The following ACP7 variants were observed in gnomAD, a reference collection of about 807,000 sequenced individuals.
The protein encoded by ACP7 is acid phosphatase type 7.
A neutral mutation model predicts 60.6 loss-of-function variants in ACP7; 58 were observed. The observed-to-expected ratio is 0.96, with a 90% confidence interval of 0.77 to 1.19. The LOEUF (loss-of-function observed/expected upper bound fraction) is 1.19. Among genes scored for constraint, ACP7 ranks in the 50% most tolerant of loss-of-function variants. ACP7 has a pLI of 0.00. For missense variants in ACP7, 574 were observed against 596.2 expected (o/e 0.96, Z 0.39); for synonymous variants, 237 against 232.6 (o/e 1.02, Z -0.17).
chr19:39,107,809 C>G (rs1213088756), intron 12 of ACP7, among the ~76,000 whole-genome samples: 2 of 151,964 alleles, frequency 1.3e-5, no homozygotes, highest in African/African-American at 2.4e-5. Context: ...TCACTTAAAT[C>G]TGGGAGGTGA....
chr19:39,108,732 A>G (rs2073438020), intron 12 of ACP7, among the ~76,000 whole-genome samples: 1 of 152,140 alleles, frequency 6.6e-6, no homozygotes, highest in Non-Finnish European at 1.5e-5. Context: ...TTGCCATTGT[A>G]GTTTTAAAAT....
Position 39,098,952 on chromosome 19 carries a change from C to G in ACP7, c.323-8C>G. The stretch of plus-strand genomic sequence containing the variant: ...CAGCTGACTGCGACCTTTTCCTCTC[C>G]CATTCAGTTTATCGCTGTGGCAGTG... On this transcript the variant is annotated splice_polypyrimidine_tract_variant and splice_region_variant and intron_variant, in intron 3 of 12. Coordinates refer to ENST00000331256, the MANE Select transcript of ACP7 (RefSeq NM_001004318.3). 7 of 1,611,334 alleles carry G rather than the reference C, an allele frequency of 4.3e-6. No homozygotes were observed. The highest frequency in any genetic ancestry group is 5.9e-6 in the Non-Finnish European group (7 of 1,179,736).
At chr19:39,088,559 T>G (rs79545738) in intron 2 of ACP7, among the ~76,000 whole-genome samples, 10,632 of 152,260 alleles carry the variant, frequency 0.07, 1,080 homozygotes, top group African/African-American at 0.22. Flanking sequence ...TTATAAGTGC[T>G]TTAGACGGAT....
chr19:39,098,875 CCCT>C, intron 3 of ACP7, 82 bp from the exon 4 acceptor site: 8 of 1,403,892 alleles, frequency 5.7e-6, no homozygotes, highest in Non-Finnish European at 5.8e-6. Context: ...CCATCTCCTC[CCCT>C]CCACCAGTCG....
chr19:39,095,815 C>G (rs1187763856), intron 2 of ACP7, among the ~76,000 whole-genome samples: 2 of 152,242 alleles, frequency 1.3e-5, no homozygotes, highest in African/African-American at 2.4e-5. Flanking sequence ...GGTTCCCAAA[C>G]CCCAATTCTT....
At chr19:39,084,812 A>C (rs1044448203) in intron 1 of ACP7, among the ~76,000 whole-genome samples, 4 of 152,014 alleles carry the variant, frequency 2.6e-5, no homozygotes, top group African/African-American at 7.2e-5. Flanking sequence ...GACCCCCAGC[A>C]CTGAGAGTGA....
At chr19:39,095,364 T>G (rs1263594261) in intron 2 of ACP7, among the ~76,000 whole-genome samples, 1 of 152,182 alleles carries the variant, frequency 6.6e-6, no homozygotes, top group Non-Finnish European at 1.5e-5. Context: ...ACAAAGGCAT[T>G]ACAGGGCCCA....
chr19:39,111,490 G>C lies in ACP7; in HGVS notation c.*1372G>C, dbSNP rs1381373684. 1.3e-5 allele frequency: 2 copies of C among 152,284 alleles called. No individual in the cohort carries two copies. Among genetic ancestry groups the C allele is most frequent in the East Asian group, 3.9e-4 (2 of 5,190 alleles). 9.4% of individuals were successfully genotyped at this position (152,284 alleles called of 1,614,324 possible). A position where few individuals can be genotyped will look rare whatever the true frequency, so the allele number is the denominator to read the frequency against. The stretch of plus-strand genomic sequence containing the variant: ...TTTTAAAAAGAGAAAAATAAACAAA[G>C]AAACGTGCCTGCCCTGTTGGAGTGT... On this transcript the variant is annotated 3_prime_UTR_variant, in exon 13 of 13. Transcript: ENST00000331256.
intron 12 of ACP7, among the ~76,000 whole-genome samples, chr19:39,107,896 G>C (rs2073428783): frequency 6.6e-6 from 1 of 151,308 alleles, no homozygotes. Context: ...GGAAAAAAAA[G>C]GAAAATTAGT....
At chr19:39,087,264 G>A (rs970912103) in intron 2 of ACP7, among the ~76,000 whole-genome samples, 1 of 151,534 alleles carries the variant, frequency 6.6e-6, no homozygotes, top group African/African-American at 2.4e-5. Flanking sequence ...CTCCAGTCTC[G>A]GCCTCCCAAA....
At chr19:39,107,361 T>C (rs888752904) in intron 12 of ACP7, among the ~76,000 whole-genome samples, 2 of 151,690 alleles carry the variant, frequency 1.3e-5, no homozygotes, top group Admixed American at 6.6e-5. Context: ...GGCAGGCGGA[T>C]CACAAGGTCA....
intron 2 of ACP7, among the ~76,000 whole-genome samples, chr19:39,089,653 C>A (rs1262328669): frequency 2.6e-5 from 4 of 152,210 alleles, no homozygotes; most frequent in Non-Finnish European, 5.9e-5. Context: ...CTAGTCTCCT[C>A]CCATCTATTA....
intron 2 of ACP7, among the ~76,000 whole-genome samples, chr19:39,089,229 C>T (rs2073178059): frequency 6.6e-6 from 1 of 151,288 alleles, no homozygotes; most frequent in African/African-American, 2.4e-5. Flanking sequence ...GTACCCGGCC[C>T]CTAATTTTTG....
intron 2 of ACP7, among the ~76,000 whole-genome samples, chr19:39,098,184 G>T (rs555417694): frequency 6.7e-6 from 1 of 149,798 alleles, no homozygotes; most frequent in African/African-American, 2.5e-5. Flanking sequence ...CTGCGAGGCG[G>T]CAGAGATTGC....
rs548084086 is a variant in ACP7, at chr19:39,102,810, C to A, written c.1113+1273C>A. Among the ~76,000 whole-genome samples, 21 of 131,816 alleles carry A rather than the reference C, an allele frequency of 1.6e-4. No homozygotes were observed. In the Admixed American group the frequency reaches 1.7e-3, roughly 10 times the overall value. 86.5% of individuals were successfully genotyped at this position (131,816 alleles called of 152,430 possible). A position where few individuals can be genotyped will look rare whatever the true frequency, so the allele number is the denominator to read the frequency against. ...CTCTCTCTCTTTCTTTCTTTCTTTT[C>A]TTCCTCCCTCCCTTCCTTCCTTCCT... On this transcript the variant is annotated intron_variant, in intron 11 of 12. Transcript: ENST00000331256.
Position 39,100,175 on chromosome 19 carries a change from T to C in ACP7, c.506-52T>C, listed in dbSNP as rs374209844. On this transcript the variant is annotated intron_variant, in intron 4 of 12. Transcript: ENST00000331256. ...CCATACCTGGCTCTCTCAATTCCAG[T>C]GAAAGCAGAGCTGGGCCTGGGTCCT... 87 of 1,601,992 alleles carry C rather than the reference T, an allele frequency of 5.4e-5. No individual in the cohort carries two copies. In the East Asian group the frequency reaches 6.1e-4, roughly 11 times the overall value.
At chr19:39,098,253 CAAAAAAAAAAAAAAAA>C (rs59373149) in intron 2 of ACP7, among the ~76,000 whole-genome samples, 189 bp from the exon 3 acceptor site, 3 of 64,952 alleles carry the variant, frequency 4.6e-5, no homozygotes, top group Admixed American at 4.4e-4. Flanking sequence ...GACCCTGACT[CAAAAAAAAAAAAAAAA>C]AAAAAAAAAA....
chr19:39,093,206 C>A (rs2073228835), intron 2 of ACP7, among the ~76,000 whole-genome samples: 2 of 102,926 alleles, frequency 1.9e-5, no homozygotes, highest in Non-Finnish European at 4.0e-5. Context: ...TTGTTTCTTT[C>A]TTTCTCTCCC....
At chr19:39,101,622 G>C in intron 11 of ACP7, 85 bp downstream of exon 11, 8 of 1,418,498 alleles carry the variant, frequency 5.6e-6, no homozygotes, top group Non-Finnish European at 7.7e-6. Context: ...AGTGCTGGGT[G>C]CTTTATATAG....
Sources: gnomAD v4.1 joint callset for allele counts (sites outside exome capture counted in the v4.1 genomes callset) on GRCh38, gnomAD v4.1.1 for gene constraint, MANE v1.5 for transcripts, NCBI Gene and HGNC (gene_info 2026-07-23, HGNC 2026-07-21) for gene names.